CACNA2D4: variants seen among roughly 807,000 people sequenced by gnomAD.
CACNA2D4 encodes calcium voltage-gated channel auxiliary subunit alpha2delta 4.
In CACNA2D4, 157 loss-of-function variants were observed where a neutral mutation model predicts 163.8. That is an observed-to-expected ratio of 0.96 (90% CI 0.84 to 1.09). The LOEUF is 1.09. CACNA2D4 is among the 50% of genes least tolerant of loss of function. The probability of loss-of-function intolerance (pLI) is 0.00; values close to 1 mark genes in which losing one functional copy is unlikely to be tolerated. For synonymous variants in CACNA2D4, 598 were observed against 586.9 expected (o/e 1.02, Z -0.27); for missense variants, 1,410 against 1,479.9 (o/e 0.95, Z 0.78).
In CACNA2D4 at chr12:1,834,857, C is replaced by A. The variant is rs990574652; in HGVS notation, c.2551+5882G>T. The stretch of plus-strand genomic sequence containing the variant: ...TCCTCCCCGCCCTCCAGCAGACAAG[C>A]CACACCGGGTTCTCTCCCTGCACTT... On this transcript the variant is annotated intron_variant, in intron 26 of 37. Transcript: ENST00000382722. The surrounding 1 kb of genome is among the most constrained non-coding windows in gnomAD (Gnocchi z 7.6). The A allele has an allele frequency of 7.0e-7, 1 of 1,420,930 alleles. No individual in the cohort carries two copies. The highest frequency in any genetic ancestry group is 9.2e-7 in the Non-Finnish European group (1 of 1,087,206). 88.0% of individuals were successfully genotyped at this position (1,420,930 alleles called of 1,614,324 possible).
chr12:1,804,732 T>C (rs1318225672), intron 29 of CACNA2D4, among the ~76,000 whole-genome samples: 2 of 152,256 alleles, frequency 1.3e-5, no homozygotes, highest in African/African-American at 2.4e-5. Flanking sequence ...CAAGGCCTCC[T>C]GCCTCTTCCC....
chr12:1,908,587 A>G (rs1389447444), intron 4 of CACNA2D4, among the ~76,000 whole-genome samples: 1 of 151,990 alleles, frequency 6.6e-6, no homozygotes, highest in Non-Finnish European at 1.5e-5. Flanking sequence ...GACCGGGTTC[A>G]CACCTGAACA....
chr12:1,800,412 GGTCGCC>G lies in CACNA2D4; in HGVS notation c.2889_2894del (p.Ala964_Thr965del). 1 of 1,613,924 alleles carries G rather than the reference GGTCGCC, an allele frequency of 6.2e-7. No individual in the cohort carries two copies. Among genetic ancestry groups the G allele is most frequent in the Non-Finnish European group, 8.5e-7 (1 of 1,179,850 alleles). ...GCACCAGCTCCTGCAGCAGCCACCT[GGTCGCC>G]GTCAAGAAGGCAGAAATTGGCTGGG... On this transcript the variant is annotated inframe_deletion, in exon 32 of 38. Transcript: ENST00000382722.
At position 1,844,575 on chromosome 12, in the gene CACNA2D4, A is replaced by C. The variant is rs1031842547; in HGVS notation, c.2343-46T>G. 6.3e-7 allele frequency: 1 copy of C among 1,589,046 alleles called. No homozygotes were observed. Among genetic ancestry groups the C allele is most frequent in the Non-Finnish European group, 8.6e-7 (1 of 1,163,372 alleles). Reference sequence around the variant, plus strand: ...TACCTCTCCCCAGATCTGTGAACACAGTCATCACTCTTTCCTTTTCTCACA... The same window carrying C: ...TACCTCTCCCCAGATCTGTGAACACCGTCATCACTCTTTCCTTTTCTCACA... On this transcript the variant is annotated intron_variant, in intron 24 of 37. Coordinates refer to ENST00000382722, the MANE Select transcript of CACNA2D4 (RefSeq NM_172364.5). The surrounding 1 kb of genome is among the most constrained non-coding windows in gnomAD (Gnocchi z 4.2).
intron 25 of CACNA2D4, among the ~76,000 whole-genome samples, chr12:1,842,054 C>T (rs932408960): frequency 2.0e-5 from 3 of 152,180 alleles, no homozygotes; most frequent in African/African-American, 4.8e-5. Flanking sequence ...CCTTCCGTCG[C>T]ATTTGTACCC....
chr12:1,840,742 C>T lies in CACNA2D4; in HGVS notation c.2548G>A (p.Ala850Thr). ...ACACCACAAGGGCCGTTCCTACCTG[C>T]AGCAATGGCTGTCCTCTTGTCCACG... ...VTVDKRTAIA[A>T]AAGVQMKLEF... The change falls in exon 26 of 38, where the codon GCA becomes ACA. Residue 850 changes from alanine to threonine, a missense_variant. Coordinates refer to ENST00000382722, the MANE Select transcript of CACNA2D4 (RefSeq NM_172364.5). 6.2e-7 allele frequency: 1 copy of T among 1,613,476 alleles called. No homozygotes were observed. The highest frequency in any genetic ancestry group is 1.1e-5 in the South Asian group (1 of 91,082).
In CACNA2D4 at chr12:1,802,188, C is replaced by A. The variant is rs1863362396; in HGVS notation, c.2722-544G>T. 6.6e-6 allele frequency among the ~76,000 whole-genome samples: 1 copy of A among 152,048 alleles called. No homozygotes were observed. The highest frequency in any genetic ancestry group is 1.9e-4 in the East Asian group (1 of 5,190). ...GCTTTTGCTGTCCCTCCATCACCTCCCACAATCAGTGTGCCCTGTGGATCG... is the reference window on the plus strand; with the variant it reads ...GCTTTTGCTGTCCCTCCATCACCTCACACAATCAGTGTGCCCTGTGGATCG... On this transcript the variant is annotated intron_variant, in intron 29 of 37. Transcript: ENST00000382722. This position sits in a 1 kb window ranked among gnomAD's most constrained non-coding sequence, Gnocchi z 4.7.
At chr12:1,825,357 G>A (rs540770826) in intron 26 of CACNA2D4, among the ~76,000 whole-genome samples, 2 of 152,368 alleles carry the variant, frequency 1.3e-5, no homozygotes, top group Non-Finnish European at 2.9e-5. Context: ...CCTGCGGCAA[G>A]CCAGAAGGAG....
intron 26 of CACNA2D4, among the ~76,000 whole-genome samples, chr12:1,830,505 C>T (rs1434531116): frequency 6.6e-6 from 1 of 152,222 alleles, no homozygotes; most frequent in Non-Finnish European, 1.5e-5. Context: ...TGGGAGAGGG[C>T]ATGGGAGCAG....
At position 1,843,765 on chromosome 12, in the gene CACNA2D4, T is replaced by C. The variant is rs571242899; in HGVS notation, c.2470+637A>G. On this transcript the variant is annotated intron_variant, in intron 25 of 37. Transcript: ENST00000382722. This position sits in a 1 kb window ranked among gnomAD's most constrained non-coding sequence, Gnocchi z 4.6. ...AATGGGGGCTGGGGCTGGCTGGCAG[T>C]TGGGTGCCCATCAACTCTGAGAGTC... Among the ~76,000 whole-genome samples, 36 of 152,272 alleles carry C rather than the reference T, an allele frequency of 2.4e-4. No individual in the cohort carries two copies. Among genetic ancestry groups the C allele is most frequent in the African/African-American group, 8.4e-4 (35 of 41,550 alleles).
chr12:1,824,529 C>T (rs542593516), intron 26 of CACNA2D4, among the ~76,000 whole-genome samples: 11 of 152,336 alleles, frequency 7.2e-5, no homozygotes, highest in South Asian at 2.1e-4. Context: ...TATCTTTGGC[C>T]TCCCTGTCTC....
intron 35 of CACNA2D4, among the ~76,000 whole-genome samples, chr12:1,796,375 C>A (rs533539826): frequency 1.8e-4 from 28 of 152,332 alleles, no homozygotes; most frequent in African/African-American, 6.7e-4. Flanking sequence ...ATACTCTCAG[C>A]CTTCACGGCT....
chr12:1,810,157 A>G (rs1399450200), intron 29 of CACNA2D4, 121 bp downstream of exon 29: 14 of 745,378 alleles, frequency 1.9e-5, no homozygotes, highest in Non-Finnish European at 3.1e-5. Flanking sequence ...TTTCACCTGA[A>G]TTGGCCCCGA....
intron 26 of CACNA2D4, among the ~76,000 whole-genome samples, chr12:1,819,260 C>G (rs956282653): frequency 6.6e-6 from 1 of 152,088 alleles, no homozygotes; most frequent in Non-Finnish European, 1.5e-5. Context: ...GAGGTGGGAG[C>G]CTCTTTTGCT....
chr12:1,815,331 TCTC>T (rs1195654284), intron 26 of CACNA2D4, among the ~76,000 whole-genome samples: 1 of 144,336 alleles, frequency 6.9e-6, no homozygotes, highest in Non-Finnish European at 1.5e-5. Context: ...CCAGCTGTTC[TCTC>T]CTCCTGGAAT....
chr12:1,869,893 CT>C lies in CACNA2D4; in HGVS notation c.1878+4710del, dbSNP rs1173892659. On this transcript the variant is annotated intron_variant, in intron 18 of 37. Coordinates refer to ENST00000382722, the MANE Select transcript of CACNA2D4 (RefSeq NM_172364.5). This position sits in a 1 kb window ranked among gnomAD's most constrained non-coding sequence, Gnocchi z 4.7. ...TAATTCTAACAGCTGGGTCATAACA[CT>C]TTTTATTATATACTGGATATTTGAG... Among the ~76,000 whole-genome samples, 1 of 152,218 alleles carries C rather than the reference CT, an allele frequency of 6.6e-6. No homozygotes were observed. The highest frequency in any genetic ancestry group is 1.5e-5 in the Non-Finnish European group (1 of 68,050).
rs563325706 is a variant in CACNA2D4, at chr12:1,834,331, G to C, written c.2551+6408C>G. The C allele has an allele frequency of 6.2e-7, 1 of 1,611,726 alleles. No homozygotes were observed. Among genetic ancestry groups the C allele is most frequent in the African/African-American group, 1.3e-5 (1 of 74,898 alleles). The stretch of plus-strand genomic sequence containing the variant: ...AGCTGAGGGGGAAGGACATGCGGAT[G>C]GTCCCCATGGAGATGTTCAACTACT... On this transcript the variant is annotated intron_variant, in intron 26 of 37. Transcript: ENST00000382722. This position sits in a 1 kb window ranked among gnomAD's most constrained non-coding sequence, Gnocchi z 7.6.
Position 1,874,748 on chromosome 12 carries a change from C to T in CACNA2D4, c.1807-73G>A, listed in dbSNP as rs138545528. The T allele has an allele frequency of 8.2e-6, 9 of 1,094,932 alleles. No homozygotes were observed. Among genetic ancestry groups the T allele is most frequent in the Middle Eastern group, 4.0e-4 (2 of 5,046 alleles). The allele number at this position is 1,094,932 out of a possible 1,614,324, so 67.8% of individuals were successfully genotyped here. ...GGTGAAAGTATGGCATTCTTCAGAC[C>T]AGATTAGAGGTGATCCCCAGAAACA... On this transcript the variant is annotated intron_variant, in intron 17 of 37. Transcript: ENST00000382722. The surrounding 1 kb of genome is among the most constrained non-coding windows in gnomAD (Gnocchi z 4.4).
rs544003537 is a variant in CACNA2D4, at chr12:1,806,860, C to T, written c.2721+3418G>A. Among the ~76,000 whole-genome samples the T allele has an allele frequency of 6.6e-6, 1 of 152,176 alleles. No homozygotes were observed. The highest frequency in any genetic ancestry group is 6.5e-5 in the Admixed American group (1 of 15,300). ...GCCACACTGGAGGCCTAGAGATAAG[C>T]AGGGAGGAGCAGTGAGGAATGAATG... is the stretch of plus-strand genomic sequence containing the variant. On this transcript the variant is annotated intron_variant, in intron 29 of 37. Transcript: ENST00000382722. This position sits in a 1 kb window ranked among gnomAD's most constrained non-coding sequence, Gnocchi z 4.1.
Sources: gnomAD v4.1 joint callset for allele counts (sites outside exome capture counted in the v4.1 genomes callset) on GRCh38, gnomAD v4.1.1 for gene constraint, Gnocchi (gnomAD v3.1) non-coding constraint, MANE v1.5 for transcripts, NCBI Gene and HGNC (gene_info 2026-07-23, HGNC 2026-07-21) for gene names.